The following RAPGEF5 variants were observed in gnomAD, a reference collection of about 807,000 sequenced individuals.
RAPGEF5 encodes M-Ras-regulated GEF.
A neutral mutation model predicts 125.2 loss-of-function variants in RAPGEF5; 65 were observed. The observed-to-expected ratio is 0.52, with a 90% CI of 0.43 to 0.64. The LOEUF is 0.64. Ranked by LOEUF, RAPGEF5 falls within the 30% of genes least tolerant of loss-of-function variation. The pLI, the probability that RAPGEF5 is intolerant of heterozygous loss-of-function variation, is 0.00. For synonymous variants in RAPGEF5, 391 were observed against 385.9 expected (o/e 1.01, Z -0.16); for missense variants, 958 against 1,048.1 (o/e 0.91, Z 1.19).
intron 20 of RAPGEF5, 148 bp downstream of exon 20, chr7:22,144,896 A>G (rs369905961): frequency 5.5e-6 from 5 of 910,606 alleles, no homozygotes. Flanking sequence ...TAAATATTCA[A>G]AATTGGACAT....
intron 1 of RAPGEF5, among the ~76,000 whole-genome samples, chr7:22,323,583 T>A (rs1211433943): frequency 6.6e-6 from 1 of 152,156 alleles, no homozygotes; most frequent in Non-Finnish European, 1.5e-5. Context: ...AACTAAAGAA[T>A]TAGGAAAAAT....
chr7:22,351,065 T>C (rs1784320964), intron 1 of RAPGEF5, among the ~76,000 whole-genome samples: 1 of 152,230 alleles, frequency 6.6e-6, no homozygotes. Context: ...CACAAGGTTT[T>C]TGGATTGACC....
chr7:22,227,188 T>C (rs1399492458), intron 8 of RAPGEF5, among the ~76,000 whole-genome samples: 3 of 151,854 alleles, frequency 2.0e-5, no homozygotes, highest in African/African-American at 7.2e-5. Context: ...GTATACATTC[T>C]TGACCACACT....
At chr7:22,254,693 C>T (rs975264277) in intron 7 of RAPGEF5, among the ~76,000 whole-genome samples, 1 of 151,594 alleles carries the variant, frequency 6.6e-6, no homozygotes, top group Non-Finnish European at 1.5e-5. Flanking sequence ...GGACCAGTTT[C>T]ACGGAAGACA....
intron 5 of RAPGEF5, among the ~76,000 whole-genome samples, chr7:22,300,760 T>G (rs1783178946): frequency 6.6e-6 from 1 of 152,176 alleles, no homozygotes; most frequent in African/African-American, 2.4e-5. Context: ...ACACTCCTTG[T>G]CTATCATCTG....
chr7:22,260,191 C>T (rs1255299076), intron 7 of RAPGEF5, among the ~76,000 whole-genome samples: 1 of 152,080 alleles, frequency 6.6e-6, no homozygotes, highest in Non-Finnish European at 1.5e-5. Flanking sequence ...CTCTGTATGA[C>T]ACTATAATGG....
chr7:22,277,276 A>G (rs1297549683), intron 6 of RAPGEF5, among the ~76,000 whole-genome samples: 1 of 152,266 alleles, frequency 6.6e-6, no homozygotes, highest in South Asian at 2.1e-4. Context: ...GTGCCCTGGC[A>G]GCTTCTGACA....
chr7:22,137,064 G>A lies in RAPGEF5; in HGVS notation c.2278-81C>T, dbSNP rs549631140. Reference sequence around the variant, plus strand: ...AGGCATCGAAGGGAGTTTTCATTACGTTGTTTATCTGTGTCACATTTCTGA... The same window carrying A: ...AGGCATCGAAGGGAGTTTTCATTACATTGTTTATCTGTGTCACATTTCTGA... On this transcript the variant is annotated intron_variant, in intron 21 of 25. Transcript: ENST00000665637. 26 of 1,034,784 alleles carry A rather than the reference G, an allele frequency of 2.5e-5. No individual in the cohort carries two copies. In the African/African-American group the frequency reaches 2.9e-4, roughly 11 times the overall value. 64.1% of individuals were successfully genotyped at this position (1,034,784 alleles called of 1,614,324 possible). A position where few individuals can be genotyped will look rare whatever the true frequency, so the allele number is the denominator to read the frequency against.
intron 1 of RAPGEF5, among the ~76,000 whole-genome samples, chr7:22,351,115 G>C (rs1399866810): frequency 6.6e-6 from 1 of 152,132 alleles, no homozygotes; most frequent in Non-Finnish European, 1.5e-5. Flanking sequence ...TATGACACAT[G>C]GATGCTGTTT....
At chr7:22,237,344 T>TTTG (rs972519953) in intron 7 of RAPGEF5, among the ~76,000 whole-genome samples, 31 of 151,548 alleles carry the variant, frequency 2.0e-4, no homozygotes, top group African/African-American at 7.2e-4. Context: ...ATAGATAGTT[T>TTTG]TTGTTGTTGT....
At chr7:22,194,380 T>A (rs1785096057) in intron 9 of RAPGEF5, among the ~76,000 whole-genome samples, 1 of 152,278 alleles carries the variant, frequency 6.6e-6, no homozygotes, top group African/African-American at 2.4e-5. Flanking sequence ...ACTAATTGCA[T>A]GTATACTATA....
intron 11 of RAPGEF5, 109 bp downstream of exon 11, chr7:22,193,258 A>C: frequency 8.1e-7 from 1 of 1,230,602 alleles, no homozygotes; most frequent in Non-Finnish European, 1.1e-6. Context: ...AGCATATGCT[A>C]TTTCTCCCCA....
chr7:22,228,674 ATT>A (rs11291130), intron 8 of RAPGEF5, among the ~76,000 whole-genome samples: 13,504 of 144,160 alleles, frequency 0.094, 728 homozygotes, highest in Non-Finnish European at 0.11. Context: ...CGCCCAGCTA[ATT>A]TTTTTTTTTT....
chr7:22,316,375 ATAGATAG>A, intron 2 of RAPGEF5, among the ~76,000 whole-genome samples: 1 of 149,350 alleles, frequency 6.7e-6, no homozygotes, highest in African/African-American at 2.5e-5. Flanking sequence ...AGATAGATAG[ATAGATAG>A]ATTAAATGTG....
intron 6 of RAPGEF5, among the ~76,000 whole-genome samples, chr7:22,276,475 A>C (rs1782558188): frequency 6.6e-6 from 1 of 152,248 alleles, no homozygotes; most frequent in Non-Finnish European, 1.5e-5. Context: ...AGTCCCAGAC[A>C]TTCTAGGGAT....
chr7:22,214,649 G>C (rs766738956), intron 9 of RAPGEF5, among the ~76,000 whole-genome samples: 1 of 152,024 alleles, frequency 6.6e-6, no homozygotes, highest in African/African-American at 2.4e-5. Flanking sequence ...TCTAAGTTAC[G>C]ACTGGGCAAG....
chr7:22,180,111 A>G (rs1261956723), intron 11 of RAPGEF5, among the ~76,000 whole-genome samples: 1 of 152,176 alleles, frequency 6.6e-6, no homozygotes, highest in East Asian at 1.9e-4. Flanking sequence ...TTCCCTTGAC[A>G]ATTATACAAT....
chr7:22,335,196 A>C (rs1463867013), intron 1 of RAPGEF5, among the ~76,000 whole-genome samples: 2 of 152,192 alleles, frequency 1.3e-5, no homozygotes, highest in Non-Finnish European at 2.9e-5. Flanking sequence ...AAATTTATGA[A>C]AGCAAGAAAT....
intron 8 of RAPGEF5, among the ~76,000 whole-genome samples, chr7:22,221,946 TA>T (rs199782373): frequency 1.3e-5 from 2 of 150,926 alleles, no homozygotes; most frequent in African/African-American, 4.9e-5. Context: ...GTAGTGAACA[TA>T]AAAAAAAACA....
Sources: allele counts gnomAD v4.1 joint callset (sites outside exome capture counted in the v4.1 genomes callset), GRCh38; gene constraint gnomAD v4.1.1; transcripts MANE v1.5; gene names NCBI Gene and HGNC (gene_info 2026-07-23, HGNC 2026-07-21).